NPSR1: variants seen among roughly 807,000 people sequenced by gnomAD.
NPSR1 encodes neuropeptide S receptor.
NPSR1 carries 48 observed loss-of-function variants against 46.9 expected under a neutral mutation model. That is an observed-to-expected ratio of 1.02 (90% CI 0.81 to 1.30). The LOEUF (loss-of-function observed/expected upper bound fraction) is 1.30, where lower values mean the gene tolerates loss of function less well. Among genes scored for constraint, NPSR1 ranks in the 50% most tolerant of loss-of-function variants. The pLI is 0.00. For missense variants in NPSR1, 450 were observed against 449.5 expected (o/e 1.00, Z -0.01); for synonymous variants, 176 against 168.1 (o/e 1.05, Z -0.36).
At position 34,863,615 on chromosome 7, in the gene NPSR1, G is replaced by A. The variant is rs939227253; in HGVS notation, c.1026-14461G>A. 1.2e-4 allele frequency among the ~76,000 whole-genome samples: 18 copies of A among 151,828 alleles called. 1 individual carries two copies. In the South Asian group the frequency reaches 1.2e-3, roughly 10 times the overall value. On this transcript the variant is annotated intron_variant, in intron 8 of 8. Coordinates refer to the NPSR1 transcript ENST00000359791. The stretch of plus-strand genomic sequence containing the variant: ...ACAGACATTTATGCAGCTAACAAAC[G>A]TATGAAAAAAGTTCATCATCAATTG...
At chr7:34,778,227 A>G (rs1050753856) in intron 2 of NPSR1, among the ~76,000 whole-genome samples, 1 of 152,140 alleles carries the variant, frequency 6.6e-6, no homozygotes. Flanking sequence ...CTCTTCAGTC[A>G]TTACTGAAAT....
intron 2 of NPSR1, among the ~76,000 whole-genome samples, chr7:34,729,501 T>C (rs1368915048): frequency 6.6e-6 from 1 of 151,922 alleles, no homozygotes; most frequent in Admixed American, 6.6e-5. Context: ...CTAATTCAAC[T>C]CAATAAGGAA....
chr7:34,726,876 C>T (rs1223561627), intron 2 of NPSR1, among the ~76,000 whole-genome samples: 1 of 149,746 alleles, frequency 6.7e-6, no homozygotes, highest in African/African-American at 2.5e-5. Context: ...AGGGATTAAT[C>T]AGCAGAGCAT....
chr7:34,743,531 C>T (rs1340975553), intron 2 of NPSR1, among the ~76,000 whole-genome samples: 1 of 151,918 alleles, frequency 6.6e-6, no homozygotes, highest in Admixed American at 6.6e-5. Context: ...ACCTCCGCCT[C>T]CTGGGTTCAA....
chr7:34,722,104 G>GT (rs1453269524), intron 2 of NPSR1, among the ~76,000 whole-genome samples: 3 of 151,918 alleles, frequency 2.0e-5, no homozygotes, highest in East Asian at 1.9e-4. Flanking sequence ...GGTTTCATTA[G>GT]TAAAAAAAAA....
intron 2 of NPSR1, among the ~76,000 whole-genome samples, chr7:34,718,245 A>G (rs1301022130): frequency 1.3e-5 from 2 of 152,236 alleles, no homozygotes; most frequent in Middle Eastern, 3.2e-3. Flanking sequence ...CATATTTTCC[A>G]AAATGACAAA....
intron 2 of NPSR1, among the ~76,000 whole-genome samples, chr7:34,694,553 G>A (rs1793419596): frequency 6.6e-6 from 1 of 152,102 alleles, no homozygotes; most frequent in Non-Finnish European, 1.5e-5. Flanking sequence ...CCATGCTCAT[G>A]GATTGGAAAA....
At position 34,792,674 on chromosome 7, in the gene NPSR1, T is replaced by TGTATATATATATATGTATATATATAC. The variant is rs1438950089; in HGVS notation, c.384+14124_384+14149dup. On this transcript the variant is annotated intron_variant, in intron 3 of 8. Transcript: ENST00000360581. ...ATATGTATATATATATTTATATATA[T>TGTATATATATATATGTATATATATAC]GTATATATATATATGTATATATATA... is the stretch of plus-strand genomic sequence containing the variant. Among the ~76,000 whole-genome samples, 233 of 120,630 alleles carry TGTATATATATATATGTATATATATAC rather than the reference T, an allele frequency of 1.9e-3. 14 individuals are homozygous for TGTATATATATATATGTATATATATAC. The highest frequency in any genetic ancestry group is 3.9e-3 in the Middle Eastern group (1 of 258). 79.1% of individuals were successfully genotyped at this position (120,630 alleles called of 152,430 possible).
At chr7:34,690,481 T>A (rs868325785) in intron 2 of NPSR1, among the ~76,000 whole-genome samples, 1 of 151,344 alleles carries the variant, frequency 6.6e-6, no homozygotes, top group African/African-American at 2.4e-5. Context: ...CAAGAAAAAA[T>A]TGAAAACCAA....
intron 2 of NPSR1, among the ~76,000 whole-genome samples, chr7:34,775,032 G>A (rs1023635123): frequency 4.6e-5 from 7 of 152,108 alleles, no homozygotes; most frequent in South Asian, 2.1e-4. Flanking sequence ...AAACTTTACC[G>A]ATGTGGCATG....
At chr7:34,819,849 C>T (rs540508857) in intron 4 of NPSR1, among the ~76,000 whole-genome samples, 81 of 152,290 alleles carry the variant, frequency 5.3e-4, no homozygotes, top group African/African-American at 1.8e-3. Flanking sequence ...CATGTTCTCA[C>T]TCATAGGTGG....
At chr7:34,730,607 C>T (rs1035207753) in intron 2 of NPSR1, among the ~76,000 whole-genome samples, 24 of 152,314 alleles carry the variant, frequency 1.6e-4, no homozygotes, top group African/African-American at 5.5e-4. Context: ...GGCATTTAAG[C>T]TAACAGATCT....
In NPSR1 at chr7:34,811,756, A is replaced by G; in HGVS notation, c.385-14A>G. ...TCTCTGAAGTCATAAGCTTCCTCTC[A>G]TTTCTGTCTTTAGGTTGTGCTGCTC... is the stretch of plus-strand genomic sequence containing the variant. On this transcript the variant is annotated splice_polypyrimidine_tract_variant and intron_variant, in intron 3 of 8. Coordinates refer to ENST00000360581, the MANE Select transcript of NPSR1 (RefSeq NM_207172.2). 1 of 1,585,684 alleles carries G rather than the reference A, an allele frequency of 6.3e-7. No homozygotes were observed. The highest frequency in any genetic ancestry group is 8.6e-7 in the Non-Finnish European group (1 of 1,160,090).
intron 1 of NPSR1, among the ~76,000 whole-genome samples, chr7:34,676,888 G>A (rs1401455531): frequency 6.6e-6 from 1 of 152,160 alleles, no homozygotes; most frequent in African/African-American, 2.4e-5. Flanking sequence ...AAGATGTGGA[G>A]GTGGGGAGGG....
intron 2 of NPSR1, among the ~76,000 whole-genome samples, chr7:34,698,286 C>CT (rs1793636915): frequency 6.6e-6 from 1 of 152,110 alleles, no homozygotes; most frequent in Non-Finnish European, 1.5e-5. Flanking sequence ...AAATTATATA[C>CT]TTATGATTTT....
chr7:34,783,382 G>C (rs537359058), intron 3 of NPSR1, among the ~76,000 whole-genome samples: 5 of 152,012 alleles, frequency 3.3e-5, no homozygotes, highest in Non-Finnish European at 7.4e-5. Flanking sequence ...AAAACCATCA[G>C]ATCTCATGAG....
chr7:34,739,592 G>C (rs867152701), intron 2 of NPSR1, among the ~76,000 whole-genome samples: 2 of 152,174 alleles, frequency 1.3e-5, no homozygotes, highest in Non-Finnish European at 2.9e-5. Flanking sequence ...ATGTCCCACA[G>C]GGTATTCCCT....
At chr7:34,772,089 ATTTTG>A (rs898233340) in intron 2 of NPSR1, among the ~76,000 whole-genome samples, 8 of 152,196 alleles carry the variant, frequency 5.3e-5, no homozygotes, top group Non-Finnish European at 1.2e-4. Flanking sequence ...TAAAAGTTTT[ATTTTG>A]TTTTGTTTTT....
At chr7:34,827,703 T>C in intron 5 of NPSR1, 101 bp downstream of exon 5, 3 of 829,938 alleles carry the variant, frequency 3.6e-6, no homozygotes, top group Non-Finnish European at 5.7e-6. Context: ...CCATTTTTCC[T>C]AGTGCCCTTG....
Sources: gnomAD v4.1 joint callset for allele counts (sites outside exome capture counted in the v4.1 genomes callset) on GRCh38, gnomAD v4.1.1 for gene constraint, MANE v1.5 for transcripts, NCBI Gene and HGNC (gene_info 2026-07-23, HGNC 2026-07-21) for gene names.